Variants in ARHGEF1 observed in about 807,000 individuals in gnomAD.
The protein encoded by ARHGEF1 is Rho guanine nucleotide exchange factor 1.
In ARHGEF1, 40 loss-of-function variants were observed where a neutral mutation model predicts 119.7. The ratio of observed to expected loss-of-function variants is 0.33; its 90% CI spans 0.26 to 0.44. ARHGEF1 has a LOEUF of 0.44. Among genes scored for constraint, ARHGEF1 ranks in the 20% least tolerant of loss-of-function variants. The pLI is 1.00. For synonymous variants in ARHGEF1, 494 were observed against 521.0 expected, an observed-to-expected ratio of 0.95 and a Z score of 0.71; for missense variants, 976 against 1,268.3, an observed-to-expected ratio of 0.77 and a Z score of 3.50.
chr19:41,914,710 A>G (rs868973051), intron 18 of ARHGEF1, among the ~76,000 whole-genome samples: 45 of 4,206 alleles, frequency 0.011, 6 homozygotes, highest in East Asian at 0.075. Context: ...CCCTTCCACC[A>G]TCTCTGTCTC....
At position 41,894,536 on chromosome 19, in the gene ARHGEF1, G is replaced by C. The variant is rs1555847104; in HGVS notation, c.830G>C (p.Gly277Ala). ...CTGGATGCCGCCCGCTGGAACCGGG[G>C]AGAGCCCCAGGGTAAGGCGGCTCTG... Reference protein sequence around the residue: ...SILDAARWNRGEPQVPDFRHL... With the variant: ...SILDAARWNRAEPQVPDFRHL... The change falls in exon 10 of 29, where the codon GGA becomes GCA. Residue 277 changes from glycine to alanine, a missense_variant. Gly to Ala is a moderately conservative substitution (Grantham distance 60, BLOSUM62 0). Around this residue, in one of 3 missense-constraint regions of ARHGEF1, gnomAD observed 519 missense variants for 580.9 expected, o/e 0.89. Transcript: ENST00000354532. 2 of 1,612,930 alleles carry C rather than the reference G, an allele frequency of 1.2e-6. No homozygotes were observed. Among genetic ancestry groups the C allele is most frequent in the South Asian group, 2.2e-5 (2 of 91,010 alleles).
chr19:41,894,725 C>A (rs1162638261), intron 11 of ARHGEF1, 64 bp downstream of exon 11: 1 of 1,575,602 alleles, frequency 6.3e-7, no homozygotes, highest in Non-Finnish European at 8.6e-7. Flanking sequence ...AGGACCTGGA[C>A]GCCTGGGTCT....
downstream of ARHGEF1, chr19:41,909,339 G>C: frequency 8.1e-7 from 1 of 1,235,952 alleles, no homozygotes; most frequent in Non-Finnish European, 1.0e-6. This position sits in a 1 kb window ranked among gnomAD's most constrained non-coding sequence, Gnocchi z 5.2. Flanking sequence ...GGGTCAGCAA[G>C]AGTGGGGAGC....
At position 41,902,317 on chromosome 19, in the gene ARHGEF1, C is replaced by T; in HGVS notation, c.1458C>T (p.Gly486=). The part of the protein sequence containing the change: ...DRLMKRRQES[G]YLIEEIGDVL... ...TGATGAAGCGGAGGCAGGAGAGTGG[C>T]TACCTCATCGAGGAGATCGGAGACG... The change falls in exon 16 of 29, where the codon GGC becomes GGT. Residue 486 remains glycine (G), a synonymous_variant. Coordinates refer to ENST00000354532, the MANE Select transcript of ARHGEF1 (RefSeq NM_004706.4). The surrounding 1 kb of genome is among the most constrained non-coding windows in gnomAD (Gnocchi z 6.5). 6.2e-7 allele frequency: 1 copy of T among 1,614,170 alleles called. No individual in the cohort carries two copies. The highest frequency in any genetic ancestry group is 1.1e-5 in the South Asian group (1 of 91,084).
chr19:41,903,590 A>C lies in ARHGEF1; in HGVS notation c.1840-117A>C. On this transcript the variant is annotated intron_variant, in intron 19 of 28. Transcript: ENST00000354532. This position sits in a 1 kb window ranked among gnomAD's most constrained non-coding sequence, Gnocchi z 4.2. The stretch of plus-strand genomic sequence containing the variant: ...CTCAGGGTCATTGGAGGTCAGGCCC[A>C]ACCCTCAGCTTGCCCGCATCAGAAG... 2 of 1,220,262 alleles carry C rather than the reference A, an allele frequency of 1.6e-6. No individual in the cohort carries two copies. The highest frequency in any genetic ancestry group is 2.3e-6 in the Non-Finnish European group (2 of 855,938). The allele number at this position is 1,220,262 out of a possible 1,614,324, so 75.6% of individuals were successfully genotyped here.
chr19:41,905,606 T>G lies in ARHGEF1; in HGVS notation c.2337-154T>G. On this transcript the variant is annotated intron_variant, in intron 24 of 28. Coordinates refer to ENST00000354532, the MANE Select transcript of ARHGEF1 (RefSeq NM_004706.4). This position sits in a 1 kb window ranked among gnomAD's most constrained non-coding sequence, Gnocchi z 6.4. ...TGTCTCCAGGCCTCTGTGTCTTCCA[T>G]TGTCTGGGCCTCTCTGTCTCCCTGT... is the stretch of plus-strand genomic sequence containing the variant. The G allele has an allele frequency of 1.3e-6, 1 of 751,174 alleles. No individual in the cohort carries two copies. Among genetic ancestry groups the G allele is most frequent in the Non-Finnish European group, 2.1e-6 (1 of 467,190 alleles). The allele number at this position is 751,174 out of a possible 1,614,324, so 46.5% of individuals were successfully genotyped here. A position where few individuals can be genotyped will look rare whatever the true frequency, so the allele number is the denominator to read the frequency against.
At chr19:41,895,232 A>G in intron 11 of ARHGEF1, 117 bp from the exon 12 acceptor site, 1 of 1,346,460 alleles carries the variant, frequency 7.4e-7, no homozygotes, top group East Asian at 2.4e-5. Context: ...TGAGGGAGGA[A>G]GGGGCTCCTT....
In ARHGEF1 at chr19:41,888,979, C is replaced by T. The variant is rs1347796346; in HGVS notation, c.225+114C>T. 1.2e-6 allele frequency: 1 copy of T among 819,302 alleles called. No individual in the cohort carries two copies. Among genetic ancestry groups the T allele is most frequent in the African/African-American group, 1.7e-5 (1 of 57,798 alleles). 50.8% of individuals were successfully genotyped at this position (819,302 alleles called of 1,614,324 possible). ...AGGGTCTGGAAAAGCAGATCTAGAA[C>T]ACAGAGAGCCAGATCTAGAAAGAGA... On this transcript the variant is annotated intron_variant, in intron 4 of 28. Transcript: ENST00000354532. The surrounding 1 kb of genome is among the most constrained non-coding windows in gnomAD (Gnocchi z 5.1).
chr19:41,894,000 T>C (rs1555846871), intron 8 of ARHGEF1, among the ~76,000 whole-genome samples: 1 of 151,656 alleles, frequency 6.6e-6, no homozygotes, highest in Admixed American at 6.6e-5. Context: ...GTCCTGGGCA[T>C]TGGGTAACAG....
chr19:41,905,501 G>T lies in ARHGEF1; in HGVS notation c.2336+240G>T, dbSNP rs2074677884. On this transcript the variant is annotated intron_variant, in intron 24 of 28. Coordinates refer to ENST00000354532, the MANE Select transcript of ARHGEF1 (RefSeq NM_004706.4). The surrounding 1 kb of genome is among the most constrained non-coding windows in gnomAD (Gnocchi z 6.4). ...GTATGGTGTGTGTGTATGCATATGT[G>T]TGCATGCGTGTGACAGCATGTGCAT... The T allele has an allele frequency of 1.6e-6, 1 of 612,080 alleles. No individual in the cohort carries two copies. Among genetic ancestry groups the T allele is most frequent in the South Asian group, 2.0e-5 (1 of 50,938 alleles). 37.9% of individuals were successfully genotyped at this position (612,080 alleles called of 1,614,324 possible). A position where few individuals can be genotyped will look rare whatever the true frequency, so the allele number is the denominator to read the frequency against.
chr19:41,891,760 C>T (rs782749758), intron 4 of ARHGEF1, among the ~76,000 whole-genome samples: 8 of 152,052 alleles, frequency 5.3e-5, no homozygotes, highest in East Asian at 3.9e-4. Flanking sequence ...TCATTATTGC[C>T]GGGAGGAGAC....
In ARHGEF1 at chr19:41,904,609, G is replaced by A. The variant is rs919833086; in HGVS notation, c.2161+226G>A. Among the ~76,000 whole-genome samples the A allele has an allele frequency of 1.1e-4, 16 of 152,134 alleles. No homozygotes were observed. The highest frequency in any genetic ancestry group is 3.9e-4 in the African/African-American group (16 of 41,414). ...CAGAGGCGTGTCTTGTGTAAACAAG[G>A]AGAAGAAAGGCCAGGAGTCCAGTGA... On this transcript the variant is annotated intron_variant, in intron 22 of 28. Transcript: ENST00000354532. The surrounding 1 kb of genome is among the most constrained non-coding windows in gnomAD (Gnocchi z 8.4).
At chr19:41,908,586 G>A (rs562402863), downstream of ARHGEF1, 80 of 1,231,816 alleles carry the variant, frequency 6.5e-5, no homozygotes, top group African/African-American at 1.6e-4. The surrounding 1 kb of genome is among the most constrained non-coding windows in gnomAD (Gnocchi z 6.7). Context: ...GAAGGGGCCC[G>A]TGAGGTACGG....
chr19:41,890,410 C>T (rs2074357454), intron 4 of ARHGEF1: 2 of 150,834 alleles, frequency 1.3e-5, no homozygotes, highest in African/African-American at 4.9e-5. Context: ...ACTTTGGAGG[C>T]TGAGGTGGGT....
intron 1 of ARHGEF1, among the ~76,000 whole-genome samples, chr19:41,886,967 C>T (rs1175086423): frequency 3.3e-5 from 5 of 152,132 alleles, no homozygotes; most frequent in African/African-American, 1.2e-4. Flanking sequence ...GGTGGAAAGA[C>T]TCAGAGAGAA....
At chr19:41,895,067 G>A (rs562201611) in intron 11 of ARHGEF1, among the ~76,000 whole-genome samples, 1 of 149,924 alleles carries the variant, frequency 6.7e-6, no homozygotes, top group East Asian at 2.0e-4. Flanking sequence ...GGAAGGGCTG[G>A]GCCTAGACCC....
rs918201984 is a variant in ARHGEF1 at position 41,896,463 on chromosome 19, G to A, written c.1102G>A (p.Glu368Lys). The change falls in exon 13 of 29, where the codon GAG becomes AAG. Residue 368 changes from glutamate (E) to lysine (K), a missense_variant. Physicochemically the swap from Glu to Lys is moderately conservative, Grantham distance 56. Coordinates refer to ENST00000354532, the MANE Select transcript of ARHGEF1 (RefSeq NM_004706.4). ...ESLAPPESTD[E>K]GAETESPEPG... is the part of the protein sequence containing the mutation. ...CTTGGCGCCCCCAGAGAGTACCGAC[G>A]AGGGGGCCGAAACCGAGAGGTGCCC... 5 of 1,486,932 alleles carry A rather than the reference G, an allele frequency of 3.4e-6. No individual in the cohort carries two copies. The highest frequency in any genetic ancestry group is 3.6e-6 in the Non-Finnish European group (4 of 1,117,884). The allele number at this position is 1,486,932 out of a possible 1,614,324, so 92.1% of individuals were successfully genotyped here.
At chr19:41,901,248 C>T (rs2074600397) in intron 14 of ARHGEF1, among the ~76,000 whole-genome samples, 1 of 152,014 alleles carries the variant, frequency 6.6e-6, no homozygotes, top group South Asian at 2.1e-4. Context: ...CTCCCGGGTT[C>T]AAGAGATTCT....
Position 41,903,789 on chromosome 19 carries a change from G to C in ARHGEF1, c.1917+5G>C. 4 of 1,612,800 alleles carry C rather than the reference G, an allele frequency of 2.5e-6. No individual in the cohort carries two copies. Among genetic ancestry groups the C allele is most frequent in the Non-Finnish European group, 3.4e-6 (4 of 1,179,928 alleles). The stretch of plus-strand genomic sequence containing the variant: ...CCTATGCTGAGCGAGTTCAAGGTGT[G>C]ACCATACCCTCCTGCCTCCCCCGCC... On this transcript the variant is annotated splice_donor_5th_base_variant and intron_variant, in intron 20 of 28. Coordinates refer to ENST00000354532, the MANE Select transcript of ARHGEF1 (RefSeq NM_004706.4). The surrounding 1 kb of genome is among the most constrained non-coding windows in gnomAD (Gnocchi z 4.2).
Sources: allele counts gnomAD v4.1 joint callset (sites outside exome capture counted in the v4.1 genomes callset), GRCh38; gene constraint gnomAD v4.1.1; regional missense constraint gnomAD v4.1.1; non-coding constraint Gnocchi (gnomAD v3.1); transcripts MANE v1.5; gene names NCBI Gene and HGNC (gene_info 2026-07-23, HGNC 2026-07-21).